Variants in KCNG2 observed in about 807,000 individuals in gnomAD.
The protein encoded by KCNG2 is potassium voltage-gated channel modifier subfamily G member 2, also known as voltage-gated potassium channel regulatory subunit KCNG2.
Under a neutral mutation model 12.3 loss-of-function variants are expected in KCNG2, and 7 were observed. The observed-to-expected ratio is 0.57, with a 90% CI of 0.32 to 1.07. The LOEUF (loss-of-function observed/expected upper bound fraction) is 1.07, where lower values mean the gene tolerates loss of function less well. KCNG2 is among the 50% of genes least tolerant of loss of function. The pLI is 0.04. For synonymous variants in KCNG2, 414 were observed against 351.4 expected (o/e 1.18, Z -1.99); for missense variants, 703 against 726.0 (o/e 0.97, Z 0.36).
At chr18:79,868,493 G>A (rs370175920) in intron 3 of KCNG2, among the ~76,000 whole-genome samples, 1 of 152,176 alleles carries the variant, frequency 6.6e-6, no homozygotes, top group African/African-American at 2.4e-5. Context: ...GGTCTTTTTC[G>A]GAAGCGATTC....
Position 79,800,335 on chromosome 18 carries a change from G to A in KCNG2, c.-115+2321G>A, listed in dbSNP as rs771403229. Among the ~76,000 whole-genome samples, 4 of 152,260 alleles carry A rather than the reference G, an allele frequency of 2.6e-5. No homozygotes were observed. The highest frequency in any genetic ancestry group is 2.1e-4 in the South Asian group (1 of 4,808). On this transcript the variant is annotated intron_variant, in intron 1 of 3. Coordinates refer to ENST00000316249, the MANE Select transcript of KCNG2 (RefSeq NM_012283.2). The surrounding 1 kb of genome is among the most constrained non-coding windows in gnomAD (Gnocchi z 4.0). ...TGAATGGGGATATCTTAGGGCTAAC[G>A]CTTGGTCAGGGATGTTCTTGGTGGT...
chr18:79,809,526 CG>C (rs1183153214), intron 1 of KCNG2, among the ~76,000 whole-genome samples: 2 of 100,938 alleles, frequency 2.0e-5, no homozygotes, highest in African/African-American at 4.2e-5. Context: ...GCCGGGGCCG[CG>C]CTGACCACAC....
chr18:79,868,424 C>T (rs1256709700), intron 3 of KCNG2, among the ~76,000 whole-genome samples: 1 of 152,220 alleles, frequency 6.6e-6, no homozygotes, highest in Non-Finnish European at 1.5e-5. Flanking sequence ...AGCAGTCGCC[C>T]TCTGCATGGG....
At chr18:79,874,960 C>T (rs1980010110) in intron 3 of KCNG2, among the ~76,000 whole-genome samples, 1 of 152,138 alleles carries the variant, frequency 6.6e-6, no homozygotes, top group African/African-American at 2.4e-5. Context: ...ATGTGACAGG[C>T]CCTGAGGAGA....
At chr18:79,834,720 G>A (rs1026422517) in intron 1 of KCNG2, among the ~76,000 whole-genome samples, 2 of 152,178 alleles carry the variant, frequency 1.3e-5, no homozygotes, top group Admixed American at 6.5e-5. Flanking sequence ...AGACATGCAA[G>A]CCCTGCCTCA....
At chr18:79,857,065 C>CCT (rs1480207875) in intron 2 of KCNG2, among the ~76,000 whole-genome samples, 1 of 94,372 alleles carries the variant, frequency 1.1e-5, no homozygotes, top group Non-Finnish European at 2.3e-5. Flanking sequence ...CCCACAGCCG[C>CCT]CCCCACAGCC....
chr18:79,888,396 CCGGGACGGCGGCG>C (rs1464216417), intron 3 of KCNG2, among the ~76,000 whole-genome samples: 5 of 151,334 alleles, frequency 3.3e-5, no homozygotes, highest in African/African-American at 7.3e-5. Context: ...CGCGGTGGGG[CCGGGACGGCGGCG>C]TCCTCCTCAT....
At position 79,864,128 on chromosome 18, in the gene KCNG2, G is replaced by C. The variant is rs779080911; in HGVS notation, c.461G>C (p.Gly154Ala). The C allele has an allele frequency of 1.6e-6, 2 of 1,289,414 alleles. No homozygotes were observed. Among genetic ancestry groups the C allele is most frequent in the South Asian group, 3.6e-5 (2 of 55,894 alleles). The allele number at this position is 1,289,414 out of a possible 1,614,324, so 79.9% of individuals were successfully genotyped here. ...GSPARALGPR[G>A]RLQRGRRRLR... ...CCGGCGCGCGCCCTGGGACCTCGGG[G>C]GCGGCTGCAGCGCGGCCGGCGGCGC... Residue 154 changes from glycine to alanine, a missense_variant, in exon 3 of 4, where the codon GGG becomes GCG. Coordinates refer to ENST00000316249, the MANE Select transcript of KCNG2 (RefSeq NM_012283.2).
chr18:79,802,096 A>G (rs1023908646), intron 1 of KCNG2, among the ~76,000 whole-genome samples: 1 of 152,236 alleles, frequency 6.6e-6, no homozygotes, highest in Non-Finnish European at 1.5e-5. Context: ...GATGGAATAG[A>G]CAGAAAATAT....
In KCNG2 at chr18:79,852,674, C is replaced by T. The variant is rs542227763; in HGVS notation, c.-114-3705C>T. On this transcript the variant is annotated intron_variant, in intron 1 of 3. Coordinates refer to ENST00000316249, the MANE Select transcript of KCNG2 (RefSeq NM_012283.2). ...CGGCTCACCAGCGCCTGCACCTGGG[C>T]GTGGGCCACCCTCTGGAGATGAGCT... Among the ~76,000 whole-genome samples the T allele has an allele frequency of 4.4e-4, 67 of 152,348 alleles. No individual in the cohort carries two copies. The South Asian group carries it at 0.011, about 26-fold the overall frequency.
At chr18:79,892,986 C>A (rs1418995611) in intron 3 of KCNG2, among the ~76,000 whole-genome samples, 4 of 151,264 alleles carry the variant, frequency 2.6e-5, no homozygotes, top group Non-Finnish European at 4.4e-5. Context: ...GGGTCTGTGT[C>A]TGCTTTTGAT....
chr18:79,836,954 C>T (rs537515761), intron 1 of KCNG2, among the ~76,000 whole-genome samples: 3 of 152,302 alleles, frequency 2.0e-5, no homozygotes, highest in African/African-American at 7.2e-5. Flanking sequence ...TCATGGCTTC[C>T]AAACAGTCCC....
intron 3 of KCNG2, 111 bp from the exon 4 acceptor site, chr18:79,898,929 G>C: frequency 1.3e-6 from 1 of 769,494 alleles, no homozygotes; most frequent in East Asian, 3.0e-5. Flanking sequence ...CGTGGGTTGG[G>C]GCGGGAAGGG....
intron 3 of KCNG2, among the ~76,000 whole-genome samples, chr18:79,866,551 G>A (rs1979564806): frequency 1.5e-5 from 2 of 137,036 alleles, no homozygotes; most frequent in South Asian, 2.5e-4. Flanking sequence ...GGTCTGTTTT[G>A]TGAGAGGTCT....
At chr18:79,826,886 A>G (rs1168254512) in intron 1 of KCNG2, among the ~76,000 whole-genome samples, 1 of 152,270 alleles carries the variant, frequency 6.6e-6, no homozygotes, top group Non-Finnish European at 1.5e-5. Context: ...GGAGTGACTA[A>G]TCACTTGTTT....
chr18:79,826,129 G>A (rs942355857), intron 1 of KCNG2, among the ~76,000 whole-genome samples: 1 of 152,286 alleles, frequency 6.6e-6, no homozygotes, highest in Non-Finnish European at 1.5e-5. Flanking sequence ...CGACAGGAAG[G>A]GCCGGGAGCT....
At chr18:79,836,095 T>C (rs1978322697) in intron 1 of KCNG2, among the ~76,000 whole-genome samples, 1 of 152,000 alleles carries the variant, frequency 6.6e-6, no homozygotes, top group Non-Finnish European at 1.5e-5. Flanking sequence ...GCAGAGTGGG[T>C]TTAAAAGCAT....
chr18:79,873,518 A>G (rs1404469252), intron 3 of KCNG2, among the ~76,000 whole-genome samples: 1 of 146,360 alleles, frequency 6.8e-6, no homozygotes, highest in Non-Finnish European at 1.5e-5. Flanking sequence ...CTTGGCCTGT[A>G]TGCAGCTGTG....
intron 1 of KCNG2, among the ~76,000 whole-genome samples, chr18:79,826,429 T>C (rs1162436635): frequency 1.3e-5 from 2 of 151,580 alleles, no homozygotes; most frequent in African/African-American, 2.4e-5. Context: ...GAGCAGCTCC[T>C]CACGGAAGGT....
Sources: allele counts gnomAD v4.1 joint callset (sites outside exome capture counted in the v4.1 genomes callset), GRCh38; gene constraint gnomAD v4.1.1; non-coding constraint Gnocchi (gnomAD v3.1); transcripts MANE v1.5; gene names NCBI Gene and HGNC (gene_info 2026-07-23, HGNC 2026-07-21).